FSHR: variants seen among roughly 807,000 people sequenced by gnomAD.
FSHR encodes follicle stimulating hormone receptor.
A neutral mutation model predicts 52.1 loss-of-function variants in FSHR; 46 were observed. That is an observed-to-expected ratio of 0.88 (90% CI 0.70 to 1.13). The LOEUF (loss-of-function observed/expected upper bound fraction) is 1.13, where lower values mean the gene tolerates loss of function less well. FSHR is among the 50% of genes most tolerant of loss of function. The probability of loss-of-function intolerance (pLI) is 0.00; values close to 1 mark genes in which losing one functional copy is unlikely to be tolerated. For synonymous variants in FSHR, 399 were observed against 309.6 expected (o/e 1.29, Z -3.03); for missense variants, 964 against 834.6 (o/e 1.16, Z -1.91).
At chr2:49,067,101 G>T (rs1362003145) in intron 2 of FSHR, among the ~76,000 whole-genome samples, 1 of 152,032 alleles carries the variant, frequency 6.6e-6, no homozygotes, top group African/African-American at 2.4e-5. Context: ...AATCACGTAA[G>T]CCCCTTTTTA....
intron 5 of FSHR, 59 bp downstream of exon 5, chr2:48,990,507 C>G: frequency 9.2e-7 from 1 of 1,081,282 alleles, no homozygotes; most frequent in Non-Finnish European, 1.4e-6. Flanking sequence ...GCCCAGATAG[C>G]CGTTGGGCAA....
chr2:48,990,855 T>A (rs2072485), intron 4 of FSHR, among the ~76,000 whole-genome samples: 3 of 151,548 alleles, frequency 2.0e-5, no homozygotes, highest in South Asian at 2.1e-4. Flanking sequence ...AAACTTACAC[T>A]TCAGTCACAA....
chr2:48,968,851 G>C lies in FSHR; in HGVS notation c.701C>G (p.Pro234Arg), dbSNP rs772017090. 6.2e-7 allele frequency: 1 copy of C among 1,613,934 alleles called. No individual in the cohort carries two copies. The highest frequency in any genetic ancestry group is 8.5e-7 in the Non-Finnish European group (1 of 1,179,960). The stretch of plus-strand genomic sequence containing the variant: ...CTTAAGATTTTCTAAGCCATAGCTA[G>C]GCAGGGAATGGATCCTTGTTCTTGA... ...DISRTRIHSL[P>R]SYGLENLKKL... is the part of the protein sequence containing the mutation. The change falls in exon 9 of 10, where the codon CCT becomes CGT. Residue 234 changes from proline (P) to arginine (R), a missense_variant. Transcript: ENST00000406846.
At chr2:48,968,316 G>T (rs1674569610) in intron 9 of FSHR, among the ~76,000 whole-genome samples, 1 of 152,212 alleles carries the variant, frequency 6.6e-6, no homozygotes, top group African/African-American at 2.4e-5. Flanking sequence ...CACCAAAGAT[G>T]ACACGGATGG....
At chr2:49,144,431 G>T (rs904550283) in intron 1 of FSHR, among the ~76,000 whole-genome samples, 2 of 152,080 alleles carry the variant, frequency 1.3e-5, no homozygotes, top group African/African-American at 4.8e-5. Context: ...GGGGGAATGA[G>T]ATGCCATTCA....
intron 8 of FSHR, among the ~76,000 whole-genome samples, chr2:48,982,705 C>G (rs1675306663): frequency 6.6e-6 from 1 of 152,200 alleles, no homozygotes; most frequent in South Asian, 2.1e-4. Flanking sequence ...GTGCTCATTA[C>G]ATGTTATTAT....
At chr2:49,037,432 A>T (rs1283149243) in intron 2 of FSHR, among the ~76,000 whole-genome samples, 1 of 152,240 alleles carries the variant, frequency 6.6e-6, no homozygotes, top group Non-Finnish European at 1.5e-5. Context: ...TAAACATTAG[A>T]AACCATAAAA....
intron 6 of FSHR, among the ~76,000 whole-genome samples, chr2:48,984,845 A>C (rs1675416479): frequency 6.6e-6 from 1 of 152,212 alleles, no homozygotes; most frequent in Non-Finnish European, 1.5e-5. Context: ...ACATAAACTA[A>C]TTTTAAATAA....
At chr2:48,973,454 A>T (rs1674837330) in intron 8 of FSHR, among the ~76,000 whole-genome samples, 1 of 152,248 alleles carries the variant, frequency 6.6e-6, no homozygotes, top group Non-Finnish European at 1.5e-5. Flanking sequence ...AGCAAAATGG[A>T]ATGGTTGTTT....
chr2:49,107,439 C>G (rs1671268672), intron 1 of FSHR, among the ~76,000 whole-genome samples: 1 of 152,132 alleles, frequency 6.6e-6, no homozygotes, highest in Non-Finnish European at 1.5e-5. Context: ...CTGGCTGTTT[C>G]ACTCTGTTAT....
intron 2 of FSHR, among the ~76,000 whole-genome samples, chr2:49,023,954 G>A (rs1667830595): frequency 6.6e-6 from 1 of 151,642 alleles, no homozygotes; most frequent in South Asian, 2.1e-4. Context: ...GGGGTAGGGT[G>A]TTTTCCAATA....
chr2:49,039,033 A>G (rs1236730437), intron 2 of FSHR, among the ~76,000 whole-genome samples: 2 of 152,332 alleles, frequency 1.3e-5, no homozygotes, highest in South Asian at 2.1e-4. Context: ...TTCAAAAAAT[A>G]TCTCTATTTC....
At chr2:48,985,749 C>A (rs1320349799) in intron 6 of FSHR, among the ~76,000 whole-genome samples, 1 of 122,396 alleles carries the variant, frequency 8.2e-6, no homozygotes, top group Non-Finnish European at 1.6e-5. Flanking sequence ...CTCTGTCGCC[C>A]AGGCCGGACT....
At chr2:48,974,667 T>G (rs185689713) in intron 8 of FSHR, among the ~76,000 whole-genome samples, 56 of 152,368 alleles carry the variant, frequency 3.7e-4, no homozygotes, top group African/African-American at 1.3e-3. Flanking sequence ...ACATGGAACC[T>G]GTCAAGACTT....
intron 1 of FSHR, among the ~76,000 whole-genome samples, chr2:49,089,907 G>A (rs1177219713): frequency 2.0e-5 from 3 of 152,150 alleles, no homozygotes; most frequent in Non-Finnish European, 4.4e-5. Context: ...TGTGTGCAAA[G>A]CGTGTACATT....
At chr2:49,111,559 A>G (rs1558447227) in intron 1 of FSHR, among the ~76,000 whole-genome samples, 1 of 152,248 alleles carries the variant, frequency 6.6e-6, no homozygotes, top group East Asian at 1.9e-4. Flanking sequence ...GAAGGTGAAA[A>G]ATATACTTTT....
chr2:49,092,475 G>A (rs1223498850), intron 1 of FSHR, among the ~76,000 whole-genome samples: 1 of 152,138 alleles, frequency 6.6e-6, no homozygotes, highest in East Asian at 1.9e-4. Context: ...GGTGTTTGTG[G>A]TAAATGCTCT....
intron 8 of FSHR, among the ~76,000 whole-genome samples, chr2:48,981,902 C>T (rs908674511): frequency 2.6e-5 from 4 of 152,186 alleles, no homozygotes; most frequent in African/African-American, 7.2e-5. Flanking sequence ...AAACGCCTGA[C>T]TTGACTTAAG....
intron 1 of FSHR, among the ~76,000 whole-genome samples, chr2:49,112,486 T>C (rs1233990811): frequency 1.3e-5 from 2 of 152,206 alleles, no homozygotes; most frequent in Non-Finnish European, 2.9e-5. Flanking sequence ...CTTAGGTACA[T>C]TGGGGTTATT....
Sources: gnomAD v4.1 joint callset for allele counts (sites outside exome capture counted in the v4.1 genomes callset) on GRCh38, gnomAD v4.1.1 for gene constraint, MANE v1.5 for transcripts, NCBI Gene and HGNC (gene_info 2026-07-23, HGNC 2026-07-21) for gene names.